The following THADA variants were observed in gnomAD, a reference collection of about 807,000 sequenced individuals.
THADA encodes THADA armadillo repeat containing.
Under a neutral mutation model 219.8 loss-of-function variants are expected in THADA, and 213 were observed. That is an observed-to-expected ratio of 0.97 (90% CI 0.87 to 1.09). THADA has a LOEUF of 1.09. Among genes scored for constraint, THADA ranks in the 50% least tolerant of loss-of-function variants. The pLI is 0.00. For synonymous variants in THADA, 1,018 were observed against 828.9 expected (o/e 1.23, Z -3.92); for missense variants, 2,956 against 2,311.3 (o/e 1.28, Z -5.72).
intron 22 of THADA, among the ~76,000 whole-genome samples, chr2:43,521,592 T>C (rs1441717707): frequency 6.6e-6 from 1 of 152,188 alleles, no homozygotes; most frequent in Admixed American, 6.5e-5. Context: ...GCTGTTTTCC[T>C]ATGCTAAGTG....
intron 29 of THADA, among the ~76,000 whole-genome samples, chr2:43,382,688 G>T (rs534716983): frequency 6.6e-6 from 1 of 152,278 alleles, no homozygotes; most frequent in East Asian, 1.9e-4. Context: ...CCACTTCATG[G>T]ATACTGCTTC....
At chr2:43,494,521 C>T (rs1688031124) in intron 25 of THADA, among the ~76,000 whole-genome samples, 1 of 152,152 alleles carries the variant, frequency 6.6e-6, no homozygotes, top group Admixed American at 6.5e-5. Flanking sequence ...TGGAGTTGGA[C>T]AGGTAATAGT....
intron 31 of THADA, among the ~76,000 whole-genome samples, chr2:43,303,151 C>T (rs1482287776): frequency 1.3e-5 from 2 of 152,134 alleles, no homozygotes; most frequent in South Asian, 2.1e-4. Context: ...ACTGAAGGAA[C>T]TTTGCAGAGT....
intron 36 of THADA, among the ~76,000 whole-genome samples, chr2:43,259,153 A>G (rs1670665199): frequency 6.6e-6 from 1 of 152,238 alleles, no homozygotes; most frequent in South Asian, 2.1e-4. Flanking sequence ...TGAAGCTGCC[A>G]TCAACTAAAA....
chr2:43,476,100 A>G (rs1488758190), intron 26 of THADA, among the ~76,000 whole-genome samples: 1 of 152,136 alleles, frequency 6.6e-6, no homozygotes, highest in African/African-American at 2.4e-5. Flanking sequence ...GATGAATCCT[A>G]TTAGTCTAAT....
At chr2:43,375,832 G>A (rs1478966341) in intron 29 of THADA, among the ~76,000 whole-genome samples, 1 of 152,098 alleles carries the variant, frequency 6.6e-6, no homozygotes, top group Non-Finnish European at 1.5e-5. Flanking sequence ...GACAGCAAAG[G>A]AAAATCAGCC....
Position 43,589,675 on chromosome 2 carries a change from C to T in THADA, c.302+1149G>A, listed in dbSNP as rs1181004916. Among the ~76,000 whole-genome samples the T allele has an allele frequency of 2.0e-5, 3 of 152,064 alleles. No homozygotes were observed. In the East Asian group the frequency reaches 5.8e-4, roughly 29 times the overall value. On this transcript the variant is annotated intron_variant, in intron 4 of 37. Transcript: ENST00000405975. ...AGAATGATACAATGGCCTTTGGAGACTCAGGGGAAAGGGTGGGAAGGGGGT... is the reference window on the plus strand; with the variant it reads ...AGAATGATACAATGGCCTTTGGAGATTCAGGGGAAAGGGTGGGAAGGGGGT...
chr2:43,286,378 C>A (rs1247755081), intron 35 of THADA, among the ~76,000 whole-genome samples: 1 of 152,144 alleles, frequency 6.6e-6, no homozygotes, highest in East Asian at 1.9e-4. Flanking sequence ...ATCAGACTTG[C>A]ATTTCATAAA....
chr2:43,434,292 A>G (rs1679786972), intron 26 of THADA, among the ~76,000 whole-genome samples: 1 of 152,206 alleles, frequency 6.6e-6, no homozygotes, highest in African/African-American at 2.4e-5. Flanking sequence ...TTGGATCCCA[A>G]GCTCCCACTG....
At chr2:43,425,075 A>C (rs1678236787) in intron 28 of THADA, among the ~76,000 whole-genome samples, 1 of 152,164 alleles carries the variant, frequency 6.6e-6, no homozygotes, top group Admixed American at 6.5e-5. Flanking sequence ...GGCTACTCAA[A>C]AGGCAACCAA....
At chr2:43,543,078 T>C (rs900039486) in intron 20 of THADA, among the ~76,000 whole-genome samples, 3 of 138,684 alleles carry the variant, frequency 2.2e-5, no homozygotes, top group East Asian at 2.2e-4. Flanking sequence ...CCTGTGCCCA[T>C]GTGTTCTCAT....
At chr2:43,396,734 G>A (rs1239059194) in intron 29 of THADA, among the ~76,000 whole-genome samples, 2 of 151,886 alleles carry the variant, frequency 1.3e-5, no homozygotes, top group Admixed American at 1.3e-4. Context: ...TGGCTTGAAC[G>A]CAGGAGGCGG....
intron 26 of THADA, among the ~76,000 whole-genome samples, chr2:43,443,014 C>A (rs1287962955): frequency 6.6e-6 from 1 of 152,164 alleles, no homozygotes; most frequent in Non-Finnish European, 1.5e-5. Flanking sequence ...AGCTTAGGTA[C>A]CTGTCCTCGG....
intron 21 of THADA, among the ~76,000 whole-genome samples, chr2:43,538,113 T>C (rs986137471): frequency 6.6e-6 from 1 of 152,092 alleles, no homozygotes; most frequent in African/African-American, 2.4e-5. Context: ...ACATATAAAC[T>C]TAAGTTCATA....
chr2:43,556,125 T>C (rs1697308988), intron 17 of THADA: 2 of 1,008,536 alleles, frequency 2.0e-6, no homozygotes, highest in Non-Finnish European at 1.3e-6. Context: ...TTAATAAATA[T>C]TTGTATATGT....
chr2:43,565,652 GT>G (rs1698576275), intron 15 of THADA: 1 of 152,214 alleles, frequency 6.6e-6, no homozygotes, highest in Non-Finnish European at 1.5e-5. Context: ...TCCAATGATA[GT>G]GTAAAGCTCC....
intron 29 of THADA, among the ~76,000 whole-genome samples, chr2:43,393,520 C>T (rs112918117): frequency 2.3e-4 from 35 of 152,056 alleles, no homozygotes; most frequent in African/African-American, 8.2e-4. Context: ...CCAGTCTGGC[C>T]AACATGGTGA....
intron 21 of THADA, among the ~76,000 whole-genome samples, chr2:43,528,439 A>AT (rs113071403): frequency 8.6e-5 from 13 of 151,120 alleles, no homozygotes; most frequent in African/African-American, 2.4e-4. Flanking sequence ...CATTTTAAGT[A>AT]TTTTTTTTTA....
chr2:43,580,211 GT>G (rs1047707506), intron 8 of THADA, among the ~76,000 whole-genome samples: 1 of 150,806 alleles, frequency 6.6e-6, no homozygotes, highest in African/African-American at 2.4e-5. Context: ...TTGTATTTTA[GT>G]TTTTTAGTAT....
Sources: gnomAD v4.1 joint callset for allele counts (sites outside exome capture counted in the v4.1 genomes callset) on GRCh38, gnomAD v4.1.1 for gene constraint, MANE v1.5 for transcripts, NCBI Gene and HGNC (gene_info 2026-07-23, HGNC 2026-07-21) for gene names.